Variants in DNAH8 observed in about 807,000 individuals in gnomAD.
The protein encoded by DNAH8 is dynein axonemal heavy chain 8.
DNAH8 carries 382 observed loss-of-function variants against 562.1 expected under a neutral mutation model. The ratio of observed to expected loss-of-function variants is 0.68; its 90% CI spans 0.63 to 0.74. The LOEUF (loss-of-function observed/expected upper bound fraction) is 0.74. DNAH8 is among the 30% of genes least tolerant of loss of function. DNAH8 has a pLI of 0.00. For synonymous variants in DNAH8, 1,881 were observed against 1,919.4 expected (o/e 0.98, Z 0.52); for missense variants, 5,203 against 5,620.4 (o/e 0.93, Z 2.37).
At chr6:38,978,162 T>C (rs1252733130) in intron 85 of DNAH8, among the ~76,000 whole-genome samples, 1 of 152,230 alleles carries the variant, frequency 6.6e-6, no homozygotes, top group Non-Finnish European at 1.5e-5. Flanking sequence ...TGCTCTTTTC[T>C]TTTTCATTTT....
At chr6:38,872,454 C>G (rs759772371) in intron 49 of DNAH8, 82 bp from the exon 50 acceptor site, 1 of 1,446,080 alleles carries the variant, frequency 6.9e-7, no homozygotes. Flanking sequence ...CTTATTAAAG[C>G]CTTTAATCTT....
At chr6:38,899,089 G>A (rs575758778) in intron 61 of DNAH8, among the ~76,000 whole-genome samples, 9 of 152,112 alleles carry the variant, frequency 5.9e-5, no homozygotes, top group Admixed American at 1.3e-4. Context: ...TGAATTTACT[G>A]ATCCATCTAG....
At chr6:38,822,557 A>T (rs1772962085) in intron 26 of DNAH8, among the ~76,000 whole-genome samples, 1 of 152,176 alleles carries the variant, frequency 6.6e-6, no homozygotes. Flanking sequence ...AAGGACTTTA[A>T]CATTTTGGGG....
intron 57 of DNAH8, among the ~76,000 whole-genome samples, chr6:38,888,809 C>T (rs952014399): frequency 6.6e-6 from 1 of 152,208 alleles, no homozygotes; most frequent in African/African-American, 2.4e-5. Flanking sequence ...GCTACAAACC[C>T]TTTGGATAAC....
At chr6:38,995,587 TCTC>T (rs1765083191) in intron 88 of DNAH8, among the ~76,000 whole-genome samples, 1 of 152,254 alleles carries the variant, frequency 6.6e-6, no homozygotes, top group African/African-American at 2.4e-5. Flanking sequence ...TCAGTTGTGT[TCTC>T]CTAGGAAATT....
intron 8 of DNAH8, among the ~76,000 whole-genome samples, chr6:38,749,647 A>G (rs1285097709): frequency 6.6e-6 from 1 of 152,180 alleles, no homozygotes; most frequent in Admixed American, 6.5e-5. Context: ...AAACATTTGA[A>G]GGGTTGCTGT....
intron 53 of DNAH8, among the ~76,000 whole-genome samples, chr6:38,879,263 C>G (rs9380799): frequency 0.43 from 65,863 of 151,756 alleles, 15,226 homozygotes; most frequent in East Asian, 0.84. Context: ...GTGTTATGCT[C>G]ATGCCAAAAC....
intron 56 of DNAH8, among the ~76,000 whole-genome samples, chr6:38,886,531 A>C (rs1778936642): frequency 6.6e-6 from 1 of 152,216 alleles, no homozygotes; most frequent in East Asian, 1.9e-4. Flanking sequence ...TATAACTCAC[A>C]TATCTAAATT....
chr6:38,789,889 T>C lies in DNAH8; in HGVS notation c.2664+6T>C. 6.2e-7 allele frequency: 1 copy of C among 1,602,622 alleles called. No homozygotes were observed. Among genetic ancestry groups the C allele is most frequent in the Non-Finnish European group, 8.5e-7 (1 of 1,170,408 alleles). On this transcript the variant is annotated splice_donor_region_variant and intron_variant, in intron 19 of 92. Transcript: ENST00000327475. ...TGACCCCAAAAATGAAAAAGGTTGG[T>C]ATTGCTGAAGGTTTGTATTGATTTT...
chr6:38,881,209 A>C (rs1311828731), intron 53 of DNAH8, among the ~76,000 whole-genome samples: 1 of 152,204 alleles, frequency 6.6e-6, no homozygotes, highest in Non-Finnish European at 1.5e-5. Context: ...GAAGTTAAAC[A>C]TACTCATTTT....
rs2150559614 is a variant in DNAH8 at position 38,923,120 on chromosome 6, T to C, written c.10725T>C (p.Asp3575=). Residue 3575 remains aspartate, a synonymous_variant, in exon 72 of 93, where the codon GAT becomes GAC. Coordinates refer to ENST00000327475, the MANE Select transcript of DNAH8 (RefSeq NM_001206927.2). ...KKMQAASTLI[D]GLSGEKIRWT... is the part of the protein sequence containing the mutation. The stretch of plus-strand genomic sequence containing the variant: ...TGCAGGCCGCCTCCACTCTCATCGA[T>C]GGGCTGAGTGGAGAAAAAATCCGGT... The C allele has an allele frequency of 1.2e-6, 2 of 1,613,764 alleles. No individual in the cohort carries two copies. The highest frequency in any genetic ancestry group is 1.7e-6 in the Non-Finnish European group (2 of 1,179,814).
At chr6:38,915,412 T>C in intron 68 of DNAH8, 35 bp downstream of exon 68, 1 of 1,437,632 alleles carries the variant, frequency 7.0e-7, no homozygotes, top group African/African-American at 1.5e-5. Flanking sequence ...CCAACACAAG[T>C]CCTAGAAGGC....
intron 24 of DNAH8, among the ~76,000 whole-genome samples, chr6:38,811,623 T>C (rs1004772604): frequency 1.3e-4 from 20 of 152,204 alleles, no homozygotes; most frequent in Admixed American, 1.3e-4. Context: ...CACTGAACAT[T>C]TTCCCTTACT....
intron 54 of DNAH8, 45 bp from the exon 55 acceptor site, chr6:38,883,277 A>G: frequency 1.3e-6 from 2 of 1,549,788 alleles, no homozygotes; most frequent in South Asian, 2.5e-5. Context: ...ATTTGAAACT[A>G]AATAAGTTGT....
At chr6:38,821,645 C>T (rs1487226157) in intron 26 of DNAH8, among the ~76,000 whole-genome samples, 1 of 152,148 alleles carries the variant, frequency 6.6e-6, no homozygotes. Flanking sequence ...CTTACTGCAG[C>T]CTCTGCCTTC....
chr6:38,743,010 T>G (rs1192652662), intron 8 of DNAH8, among the ~76,000 whole-genome samples: 16,050 of 113,264 alleles, frequency 0.14, 1,466 homozygotes, highest in Non-Finnish European at 0.23. Flanking sequence ...TGTTGTGCTT[T>G]TTTTTTTTTT....
intron 91 of DNAH8, among the ~76,000 whole-genome samples, chr6:39,019,936 C>T (rs1407856474): frequency 6.6e-6 from 1 of 151,948 alleles, no homozygotes; most frequent in African/African-American, 2.4e-5. Flanking sequence ...TGAGCCGGGG[C>T]AACCTGGCGG....
At chr6:38,998,733 C>A (rs1283737275) in intron 88 of DNAH8, among the ~76,000 whole-genome samples, 2 of 152,142 alleles carry the variant, frequency 1.3e-5, no homozygotes, top group Non-Finnish European at 2.9e-5. Context: ...CCTGACTTCC[C>A]AGAACCACCA....
At position 39,030,375 on chromosome 6, in the gene DNAH8, T is replaced by C. The variant is rs143828709; in HGVS notation, c.14107T>C (p.Leu4703=). 8.1e-5 allele frequency: 131 copies of C among 1,613,834 alleles called. No individual in the cohort carries two copies. The highest frequency in any genetic ancestry group is 1.1e-4 in the Non-Finnish European group (125 of 1,179,882). Residue 4703 remains leucine, a synonymous_variant, in exon 93 of 93, where the codon TTG becomes CTG. Transcript: ENST00000327475. The stretch of plus-strand genomic sequence containing the variant: ...CTGGATCCTGAGAGGAGTGGCCCTT[T>C]TGTGTGACATCAAGTAAGTTCATTT... ...DHWILRGVAL[L]CDIK is the part of the protein sequence containing the mutation.
Sources: allele counts gnomAD v4.1 joint callset (sites outside exome capture counted in the v4.1 genomes callset), GRCh38; gene constraint gnomAD v4.1.1; transcripts MANE v1.5; gene names NCBI Gene and HGNC (gene_info 2026-07-23, HGNC 2026-07-21).